DOCK3: variants seen among roughly 807,000 people sequenced by gnomAD.
The protein encoded by DOCK3 is dedicator of cytokinesis protein 3.
In DOCK3, 60 loss-of-function variants were observed where a neutral mutation model predicts 265.6. The ratio of observed to expected loss-of-function variants is 0.23; its 90% confidence interval spans 0.18 to 0.28. The LOEUF (loss-of-function observed/expected upper bound fraction) is 0.28. DOCK3 is among the 10% of genes least tolerant of loss of function. The probability of loss-of-function intolerance (pLI) is 1.00; values close to 1 mark genes in which losing one functional copy is unlikely to be tolerated. For synonymous variants in DOCK3, 881 were observed against 938.0 expected, an observed-to-expected ratio of 0.94 and a Z score of 1.11; for missense variants, 1,981 against 2,594.3, an observed-to-expected ratio of 0.76 and a Z score of 5.14.
chr3:51,382,372 A>T lies in DOCK3; in HGVS notation c.*813A>T, dbSNP rs1199221401. On this transcript the variant is annotated 3_prime_UTR_variant, in exon 53 of 53. Transcript: ENST00000266037. ...CGCCCTCTGGGGTTTGAGTGGAGGT[A>T]TGGAGCCAGAGAGGCTATCCTAGCT... 7 of 152,676 alleles carry T rather than the reference A, an allele frequency of 4.6e-5. No homozygotes were observed. Among genetic ancestry groups the T allele is most frequent in the Admixed American group, 3.9e-4 (6 of 15,312 alleles). The allele number at this position is 152,676 out of a possible 1,614,324, so 9.5% of individuals were successfully genotyped here. A position where few individuals can be genotyped will look rare whatever the true frequency, so the allele number is the denominator to read the frequency against.
intron 1 of DOCK3, among the ~76,000 whole-genome samples, chr3:50,728,349 T>C (rs1008848877): frequency 2.6e-5 from 4 of 152,094 alleles, no homozygotes; most frequent in African/African-American, 4.8e-5. Context: ...TAAATACTTA[T>C]GTTAGAAGGA....
intron 27 of DOCK3, among the ~76,000 whole-genome samples, chr3:51,305,065 CG>C (rs1198146941): frequency 6.6e-6 from 1 of 152,158 alleles, no homozygotes; most frequent in Non-Finnish European, 1.5e-5. Flanking sequence ...GTTCTATAGA[CG>C]TGTGTTAGAG....
At chr3:50,786,269 A>C (rs1482433894) in intron 2 of DOCK3, among the ~76,000 whole-genome samples, 1 of 152,124 alleles carries the variant, frequency 6.6e-6, no homozygotes, top group East Asian at 1.9e-4. Context: ...GCTGATATGA[A>C]ATTATAAAAT....
intron 5 of DOCK3, among the ~76,000 whole-genome samples, chr3:51,003,856 G>C (rs2078568641): frequency 6.6e-6 from 1 of 152,052 alleles, no homozygotes; most frequent in Admixed American, 6.6e-5. Context: ...TGGGTTTGTG[G>C]GGGAAAAACT....
intron 5 of DOCK3, among the ~76,000 whole-genome samples, chr3:51,023,423 CTTG>C (rs1342237193): frequency 3.3e-5 from 5 of 151,836 alleles, no homozygotes; most frequent in Non-Finnish European, 7.4e-5. Context: ...CGTTGTTGTT[CTTG>C]TTGTTTTTTG....
intron 4 of DOCK3, among the ~76,000 whole-genome samples, chr3:50,896,112 G>A (rs1285343520): frequency 1.3e-5 from 2 of 152,140 alleles, no homozygotes; most frequent in South Asian, 4.1e-4. Context: ...TTCCACAATG[G>A]TTGAACTAAT....
chr3:50,769,401 A>G (rs769643333), intron 1 of DOCK3, among the ~76,000 whole-genome samples: 1 of 152,232 alleles, frequency 6.6e-6, no homozygotes, highest in African/African-American at 2.4e-5. Flanking sequence ...AATAAAGTCC[A>G]TATATGACAA....
At chr3:51,217,408 C>G (rs1396848335) in intron 14 of DOCK3, among the ~76,000 whole-genome samples, 1 of 152,166 alleles carries the variant, frequency 6.6e-6, no homozygotes, top group African/African-American at 2.4e-5. Context: ...GCTCATGACC[C>G]ATGATAATGA....
chr3:50,789,106 T>C (rs1205524396), intron 2 of DOCK3, among the ~76,000 whole-genome samples: 1 of 152,194 alleles, frequency 6.6e-6, no homozygotes, highest in Non-Finnish European at 1.5e-5. Context: ...TTTAGACTTT[T>C]TGATATAGGT....
intron 14 of DOCK3, among the ~76,000 whole-genome samples, chr3:51,218,574 G>C (rs2089921682): frequency 1.3e-5 from 2 of 152,272 alleles, no homozygotes; most frequent in South Asian, 4.2e-4. Context: ...TCTGTACCCT[G>C]TAGTCAGTGG....
At chr3:50,927,525 G>A (rs1015615031) in intron 4 of DOCK3, among the ~76,000 whole-genome samples, 26 of 152,108 alleles carry the variant, frequency 1.7e-4, no homozygotes, top group Admixed American at 1.1e-3. Context: ...AGAATATTAC[G>A]TGTACCCCAT....
intron 5 of DOCK3, among the ~76,000 whole-genome samples, chr3:51,032,490 C>A (rs1010518352): frequency 2.0e-5 from 3 of 152,062 alleles, no homozygotes; most frequent in Non-Finnish European, 2.9e-5. Flanking sequence ...GCCACTCCAG[C>A]CTTCTTATGC....
chr3:50,970,892 TA>T (rs2077187856), intron 5 of DOCK3, among the ~76,000 whole-genome samples: 12 of 4,744 alleles, frequency 2.5e-3, no homozygotes, highest in Admixed American at 5.7e-3. Context: ...ATCTAATTTT[TA>T]TATATATATA....
chr3:50,755,314 G>T (rs1460402822), intron 1 of DOCK3, among the ~76,000 whole-genome samples: 1 of 152,142 alleles, frequency 6.6e-6, no homozygotes, highest in Admixed American at 6.5e-5. Flanking sequence ...TAAACATCTT[G>T]CATTTTTGTA....
chr3:50,705,067 T>G (rs1024074862), intron 1 of DOCK3, among the ~76,000 whole-genome samples: 6 of 150,790 alleles, frequency 4.0e-5, no homozygotes, highest in African/African-American at 1.2e-4. Flanking sequence ...CCTTGTTCCT[T>G]TCTTCTTCTC....
intron 27 of DOCK3, among the ~76,000 whole-genome samples, chr3:51,285,212 C>T (rs2081342027): frequency 6.6e-6 from 1 of 152,010 alleles, no homozygotes; most frequent in Non-Finnish European, 1.5e-5. Flanking sequence ...TGAGATCCTT[C>T]TACACAAGGC....
At chr3:51,252,089 G>A (rs988925663) in intron 22 of DOCK3, among the ~76,000 whole-genome samples, 7 of 152,146 alleles carry the variant, frequency 4.6e-5, no homozygotes, top group African/African-American at 1.4e-4. Flanking sequence ...TGGCTAGCCA[G>A]TTTTCCCAGC....
intron 12 of DOCK3, among the ~76,000 whole-genome samples, chr3:51,177,423 T>C (rs1482074318): frequency 6.6e-6 from 1 of 152,212 alleles, no homozygotes; most frequent in African/African-American, 2.4e-5. Flanking sequence ...ATAGCATTAG[T>C]ATTTCTATTA....
intron 9 of DOCK3, among the ~76,000 whole-genome samples, chr3:51,095,215 G>A (rs187769184): frequency 4.6e-4 from 70 of 152,182 alleles, no homozygotes; most frequent in African/African-American, 1.7e-3. Flanking sequence ...ATGCTAGCTG[G>A]TTATTTTGCC....
Sources: allele counts gnomAD v4.1 joint callset (sites outside exome capture counted in the v4.1 genomes callset), GRCh38; gene constraint gnomAD v4.1.1; transcripts MANE v1.5; gene names NCBI Gene and HGNC (gene_info 2026-07-23, HGNC 2026-07-21).